Variants in ADRA2C observed in about 807,000 individuals in gnomAD.
ADRA2C encodes alpha-2C adrenergic receptor.
ADRA2C carries 4 observed loss-of-function variants against 7.9 expected under a neutral mutation model. The observed-to-expected ratio is 0.51, with a 90% CI of 0.25 to 1.16. The LOEUF (loss-of-function observed/expected upper bound fraction) is 1.16, where lower values mean the gene tolerates loss of function less well. ADRA2C is among the 50% of genes most tolerant of loss of function. ADRA2C has a pLI of 0.15. For synonymous variants in ADRA2C, 368 were observed against 328.9 expected (o/e 1.12, Z -1.29); for missense variants, 589 against 677.7 (o/e 0.87, Z 1.45).
In ADRA2C at chr4:3,767,480, G is replaced by C; in HGVS notation, c.874G>C (p.Ala292Pro). The C allele has an allele frequency of 8.1e-6, 10 of 1,229,482 alleles. No individual in the cohort carries two copies. Among genetic ancestry groups the C allele is most frequent in the Non-Finnish European group, 9.1e-6 (9 of 987,056 alleles). 76.2% of individuals were successfully genotyped at this position (1,229,482 alleles called of 1,614,324 possible). A position where few individuals can be genotyped will look rare whatever the true frequency, so the allele number is the denominator to read the frequency against. The change falls in exon 1 of 1, where the codon GCC becomes CCC. Residue 292 changes from alanine to proline, a missense_variant. Physicochemically the swap from Ala to Pro is conservative, Grantham distance 27 (BLOSUM62 -1). Coordinates refer to ENST00000330055, the MANE Select transcript of ADRA2C (RefSeq NM_000683.4). ...GGAGCCGGACGAGAGCAGCGCAGCG[G>C]CCGAGAGGCGGCGGCGCCGGGGCGC... ...DVEPDESSAA[A>P]ERRRRRGALR...
Position 3,767,837 on chromosome 4 carries a change from G to A in ADRA2C, c.1231G>A (p.Ala411Thr), listed in dbSNP as rs1735491209. 6.2e-7 allele frequency: 1 copy of A among 1,613,064 alleles called. No homozygotes were observed. Among genetic ancestry groups the A allele is most frequent in the Admixed American group, 1.7e-5 (1 of 59,996 alleles). Residue 411 changes from alanine (A) to threonine (T), a missense_variant, in exon 1 of 1, where the codon GCC (alanine) becomes ACC (threonine). Transcript: ENST00000330055. Reference protein sequence around the residue: ...SYSLYGICREACQVPGPLFKF... With the variant: ...SYSLYGICRETCQVPGPLFKF... ...CAGCCTGTACGGCATCTGCCGCGAG[G>A]CCTGCCAGGTGCCCGGCCCGCTCTT...
Position 3,766,493 on chromosome 4 carries a change from G to C in ADRA2C, c.-114G>C. On this transcript the variant is annotated 5_prime_UTR_variant, in exon 1 of 1. Coordinates refer to ENST00000330055, the MANE Select transcript of ADRA2C (RefSeq NM_000683.4). This position sits in a 1 kb window ranked among gnomAD's most constrained non-coding sequence, Gnocchi z 4.5. Reference sequence around the variant, plus strand: ...GCTGCTGGGCGCCGCGGTCCCCGGCGGGCGCGCCCGAGCAGCAGGCGGCGA... The same window carrying C: ...GCTGCTGGGCGCCGCGGTCCCCGGCCGGCGCGCCCGAGCAGCAGGCGGCGA... 1.3e-6 allele frequency: 1 copy of C among 780,098 alleles called. No individual in the cohort carries two copies. Among genetic ancestry groups the C allele is most frequent in the Non-Finnish European group, 1.6e-6 (1 of 644,458 alleles). 48.3% of individuals were successfully genotyped at this position (780,098 alleles called of 1,614,324 possible). A position where few individuals can be genotyped will look rare whatever the true frequency, so the allele number is the denominator to read the frequency against.
rs1357660082 is a variant in ADRA2C, at chr4:3,768,165, T to G, written c.*170T>G. 2.7e-6 allele frequency: 2 copies of G among 747,730 alleles called. No individual in the cohort carries two copies. Among genetic ancestry groups the G allele is most frequent in the Non-Finnish European group, 4.7e-6 (2 of 422,692 alleles). 46.3% of individuals were successfully genotyped at this position (747,730 alleles called of 1,614,324 possible). A position where few individuals can be genotyped will look rare whatever the true frequency, so the allele number is the denominator to read the frequency against. ...AGAGAGATAGCCGGGCTCCAGGGAGTGGGGAGGAGAGAGGGGGAGACCCCT... is the reference window on the plus strand; with the variant it reads ...AGAGAGATAGCCGGGCTCCAGGGAGGGGGGAGGAGAGAGGGGGAGACCCCT... On this transcript the variant is annotated 3_prime_UTR_variant, in exon 1 of 1. Transcript: ENST00000330055.
At position 3,767,748 on chromosome 4, in the gene ADRA2C, C is replaced by G; in HGVS notation, c.1142C>G (p.Thr381Ser). 1 of 1,613,044 alleles carries G rather than the reference C, an allele frequency of 6.2e-7. No individual in the cohort carries two copies. The highest frequency in any genetic ancestry group is 8.5e-7 in the Non-Finnish European group (1 of 1,179,748). Residue 381 changes from threonine (T) to serine (S), a missense_variant, in exon 1 of 1, where the codon ACC becomes AGC. Coordinates refer to ENST00000330055, the MANE Select transcript of ADRA2C (RefSeq NM_000683.4). ...GCCCAGGCGCGCGAGAAGCGCTTCA[C>G]CTTTGTGCTGGCTGTGGTCATGGGC... is the stretch of plus-strand genomic sequence containing the variant. ...KVAQAREKRFTFVLAVVMGVF... is the reference protein window; with the variant it reads ...KVAQAREKRFSFVLAVVMGVF...
chr4:3,767,340 G>A lies in ADRA2C; in HGVS notation c.734G>A (p.Ser245Asn). Residue 245 changes from serine to asparagine, a missense_variant, in exon 1 of 1, where the codon AGC (serine) becomes AAC (asparagine). Ser to Asn is a conservative substitution (Grantham distance 46). Coordinates refer to ENST00000330055, the MANE Select transcript of ADRA2C (RefSeq NM_000683.4). ...RVAKLRTRTL[S>N]EKRAPVGPDG... ...GCCAAGCTGCGCACGCGCACGCTCA[G>A]CGAGAAGCGCGCCCCCGTGGGCCCC... 3.2e-6 allele frequency: 5 copies of A among 1,557,518 alleles called. No individual in the cohort carries two copies. The highest frequency in any genetic ancestry group is 3.5e-6 in the Non-Finnish European group (4 of 1,154,046).
chr4:3,768,118 TGCGGCAGGGCA>T lies in ADRA2C; in HGVS notation c.*125_*135del. 3 of 385,506 alleles carry T rather than the reference TGCGGCAGGGCA, an allele frequency of 7.8e-6. No homozygotes were observed. The highest frequency in any genetic ancestry group is 1.5e-5 in the Non-Finnish European group (3 of 206,470). The allele number at this position is 385,506 out of a possible 1,614,324, so 23.9% of individuals were successfully genotyped here. A position where few individuals can be genotyped will look rare whatever the true frequency, so the allele number is the denominator to read the frequency against. On this transcript the variant is annotated 3_prime_UTR_variant, in exon 1 of 1. Coordinates refer to ENST00000330055, the MANE Select transcript of ADRA2C (RefSeq NM_000683.4). Reference sequence around the variant, plus strand: ...TTGGCCTCCAGGGCGCAGGGGAGGGTGCGGCAGGGCAGGAGCTTGGCAGAGAGATAGCCGGG... The same window carrying T: ...TTGGCCTCCAGGGCGCAGGGGAGGGTGGAGCTTGGCAGAGAGATAGCCGGG...
Position 3,767,794 on chromosome 4 carries a change from C to A in ADRA2C, c.1188C>A (p.Phe396Leu). ...TGGGCGTGTTCGTGCTCTGCTGGTT[C>A]CCCTTCTTCTTCAGCTACAGCCTGT... ...VVMGVFVLCWFPFFFSYSLYG... is the reference protein window; with the variant it reads ...VVMGVFVLCWLPFFFSYSLYG... The change falls in exon 1 of 1, where the codon TTC becomes TTA. Residue 396 changes from phenylalanine to leucine, a missense_variant. Phe to Leu is a conservative substitution (Grantham distance 22). Coordinates refer to ENST00000330055, the MANE Select transcript of ADRA2C (RefSeq NM_000683.4). The A allele has an allele frequency of 6.2e-7, 1 of 1,613,294 alleles. No individual in the cohort carries two copies. Among genetic ancestry groups the A allele is most frequent in the South Asian group, 1.1e-5 (1 of 91,082 alleles).
In ADRA2C at chr4:3,767,203, C is replaced by A. The variant is rs1036635279; in HGVS notation, c.597C>A (p.Tyr199Ter). The A allele has an allele frequency of 8.1e-6, 13 of 1,610,640 alleles. No homozygotes were observed. Among genetic ancestry groups the A allele is most frequent in the Non-Finnish European group, 1.0e-5 (12 of 1,179,470 alleles). Reference protein sequence around the residue: ...SLYRQPDGAAYPQCGLNDETW... With the variant: ...SLYRQPDGAA ...ACCGCCAGCCCGACGGCGCCGCCTACCCGCAGTGCGGCCTCAACGACGAGA... is the reference window on the plus strand; with the variant it reads ...ACCGCCAGCCCGACGGCGCCGCCTAACCGCAGTGCGGCCTCAACGACGAGA... The change falls in exon 1 of 1, where the codon TAC becomes TAA. Residue 199 changes from tyrosine to a stop codon, truncating the protein, a stop_gained. Transcript: ENST00000330055. LOFTEE classifies it low-confidence loss of function (END_TRUNC).
At position 3,767,440 on chromosome 4, in the gene ADRA2C, C is replaced by T. The variant is rs1022329503; in HGVS notation, c.834C>T (p.Pro278=). The T allele has an allele frequency of 2.0e-6, 3 of 1,501,102 alleles. No individual in the cohort carries two copies. The African/African-American group carries it at 4.3e-5, about 22-fold the overall frequency. 93.0% of individuals were successfully genotyped at this position (1,501,102 alleles called of 1,614,324 possible). Residue 278 remains proline (P), a synonymous_variant, in exon 1 of 1, where the codon CCC becomes CCT. Transcript: ENST00000330055. ...CAGGCGAGAACGGGCACTGCGCGCC[C>T]CCGCCCGCCGACGTGGAGCCGGACG... ...AGAGENGHCA[P]PPADVEPDES...
At position 3,767,337 on chromosome 4, in the gene ADRA2C, T is replaced by C; in HGVS notation, c.731T>C (p.Leu244Pro). The change falls in exon 1 of 1, where the codon CTC becomes CCC. Residue 244 changes from leucine (L) to proline (P), a missense_variant. By Grantham distance (98) the Leu-to-Pro change is moderately conservative. Coordinates refer to ENST00000330055, the MANE Select transcript of ADRA2C (RefSeq NM_000683.4). The part of the protein sequence containing the change: ...YRVAKLRTRT[L>P]SEKRAPVGPD... ...GTGGCCAAGCTGCGCACGCGCACGC[T>C]CAGCGAGAAGCGCGCCCCCGTGGGC... 1 of 1,564,334 alleles carries C rather than the reference T, an allele frequency of 6.4e-7. No homozygotes were observed. The highest frequency in any genetic ancestry group is 8.6e-7 in the Non-Finnish European group (1 of 1,157,466).
At position 3,767,473 on chromosome 4, in the gene ADRA2C, C is replaced by G. The variant is rs1376285256; in HGVS notation, c.867C>G (p.Ser289Arg). The change falls in exon 1 of 1, where the codon AGC becomes AGG. Residue 289 changes from serine (S) to arginine (R), a missense_variant. Ser to Arg is a moderately radical substitution (Grantham distance 110, BLOSUM62 -1). Coordinates refer to ENST00000330055, the MANE Select transcript of ADRA2C (RefSeq NM_000683.4). ...PPADVEPDES[S>R]AAAERRRRRG... Reference sequence around the variant, plus strand: ...CCGACGTGGAGCCGGACGAGAGCAGCGCAGCGGCCGAGAGGCGGCGGCGCC... The same window carrying G: ...CCGACGTGGAGCCGGACGAGAGCAGGGCAGCGGCCGAGAGGCGGCGGCGCC... 2 of 1,312,398 alleles carry G rather than the reference C, an allele frequency of 1.5e-6. No individual in the cohort carries two copies. Among genetic ancestry groups the G allele is most frequent in the African/African-American group, 3.1e-5 (2 of 64,278 alleles). 81.3% of individuals were successfully genotyped at this position (1,312,398 alleles called of 1,614,324 possible).
In ADRA2C at chr4:3,766,733, C is replaced by G. The variant is rs989993917; in HGVS notation, c.127C>G (p.Arg43Gly). ...CTCGGGGGCTTCCTGGGGGCCGCCG[C>G]GCGGCCAGTACTCGGCGGGCGCGGT... ...NASGASWGPP[R>G]GQYSAGAVAG... Residue 43 changes from arginine (R) to glycine (G), a missense_variant, in exon 1 of 1, where the codon CGC (arginine) becomes GGC (glycine). By Grantham distance (125) the Arg-to-Gly change is moderately radical (BLOSUM62 -2). Coordinates refer to ENST00000330055, the MANE Select transcript of ADRA2C (RefSeq NM_000683.4). The surrounding 1 kb of genome is among the most constrained non-coding windows in gnomAD (Gnocchi z 4.5). The G allele has an allele frequency of 4.7e-6, 7 of 1,477,412 alleles. No individual in the cohort carries two copies. The highest frequency in any genetic ancestry group is 4.3e-5 in the African/African-American group (3 of 70,522). The allele number at this position is 1,477,412 out of a possible 1,614,324, so 91.5% of individuals were successfully genotyped here. A position where few individuals can be genotyped will look rare whatever the true frequency, so the allele number is the denominator to read the frequency against.
Position 3,768,474 on chromosome 4 carries a change from AAAC to A in ADRA2C, c.*484_*486del, listed in dbSNP as rs766717807. ...CTGAAAGTATTTAAATGTTTGCCAA[AAAC>A]AACAGCCAAAACAACCAAACTATTT... On this transcript the variant is annotated 3_prime_UTR_variant, in exon 1 of 1. Transcript: ENST00000330055. The A allele has an allele frequency of 1.1e-4, 67 of 592,902 alleles. No homozygotes were observed. Among genetic ancestry groups the A allele is most frequent in the Non-Finnish European group, 1.9e-4 (62 of 325,756 alleles). The allele number at this position is 592,902 out of a possible 1,614,324, so 36.7% of individuals were successfully genotyped here.
At position 3,767,459 on chromosome 4, in the gene ADRA2C, C is replaced by A. The variant is rs1159011130; in HGVS notation, c.853C>A (p.Pro285Thr). ...HCAPPPADVE[P>T]DESSAAAERR... ...CGCGCCCCCGCCCGCCGACGTGGAG[C>A]CGGACGAGAGCAGCGCAGCGGCCGA... Residue 285 changes from proline (P) to threonine (T), a missense_variant, in exon 1 of 1, where the codon CCG becomes ACG. Transcript: ENST00000330055. 12 of 1,483,986 alleles carry A rather than the reference C, an allele frequency of 8.1e-6. No individual in the cohort carries two copies. Among genetic ancestry groups the A allele is most frequent in the Non-Finnish European group, 1.1e-5 (12 of 1,128,400 alleles). 91.9% of individuals were successfully genotyped at this position (1,483,986 alleles called of 1,614,324 possible).
chr4:3,767,617 G>C lies in ADRA2C; in HGVS notation c.1011G>C (p.Arg337Ser), dbSNP rs1172284509. 8.9e-6 allele frequency: 12 copies of C among 1,345,112 alleles called. No individual in the cohort carries two copies. Among genetic ancestry groups the C allele is most frequent in the Non-Finnish European group, 1.0e-5 (11 of 1,057,132 alleles). The allele number at this position is 1,345,112 out of a possible 1,614,324, so 83.3% of individuals were successfully genotyped here. A position where few individuals can be genotyped will look rare whatever the true frequency, so the allele number is the denominator to read the frequency against. ...AGTCGGGGGCGCTGACCGCCTCCAG[G>C]TCCCCGGGGCCCGGTGGCCGCCTGT... Reference protein sequence around the residue: ...AAESGALTASRSPGPGGRLSR... With the variant: ...AAESGALTASSSPGPGGRLSR... Residue 337 changes from arginine (R) to serine (S), a missense_variant, in exon 1 of 1, where the codon AGG becomes AGC. Arg to Ser is a moderately radical substitution (Grantham distance 110, BLOSUM62 -1). Coordinates refer to ENST00000330055, the MANE Select transcript of ADRA2C (RefSeq NM_000683.4).
Position 3,768,110 on chromosome 4 carries a change from G to C in ADRA2C, c.*115G>C, listed in dbSNP as rs1233396911. ...GGGATGGATTGGCCTCCAGGGCGCA[G>C]GGGAGGGTGCGGCAGGGCAGGAGCT... On this transcript the variant is annotated 3_prime_UTR_variant, in exon 1 of 1. Transcript: ENST00000330055. 4.3e-6 allele frequency: 1 copy of C among 231,376 alleles called. No homozygotes were observed. The highest frequency in any genetic ancestry group is 6.4e-5 in the African/African-American group (1 of 15,526). The allele number at this position is 231,376 out of a possible 1,614,324, so 14.3% of individuals were successfully genotyped here.
Position 3,768,283 on chromosome 4 carries a change from G to T in ADRA2C, c.*288G>T. On this transcript the variant is annotated 3_prime_UTR_variant, in exon 1 of 1. Coordinates refer to ENST00000330055, the MANE Select transcript of ADRA2C (RefSeq NM_000683.4). Reference sequence around the variant, plus strand: ...GCCGAGGTGTGGCTGTGAGGTCAGGGTTTTAGAGAGCAGTGGCAGAGGTAG... The same window carrying T: ...GCCGAGGTGTGGCTGTGAGGTCAGGTTTTTAGAGAGCAGTGGCAGAGGTAG... The T allele has an allele frequency of 2.8e-6, 2 of 717,278 alleles. No homozygotes were observed. The highest frequency in any genetic ancestry group is 3.0e-5 in the South Asian group (2 of 67,616). The allele number at this position is 717,278 out of a possible 1,614,324, so 44.4% of individuals were successfully genotyped here.
Position 3,766,838 on chromosome 4 carries a change from A to C in ADRA2C, c.232A>C (p.Thr78Pro). 6.3e-7 allele frequency: 1 copy of C among 1,587,198 alleles called. No homozygotes were observed. Among genetic ancestry groups the C allele is most frequent in the Non-Finnish European group, 8.6e-7 (1 of 1,167,808 alleles). ...CGTGCTGGTGGTGATCGCCGTGCTG[A>C]CCAGCCGGGCGCTGCGCGCGCCACA... ...GNVLVVIAVLTSRALRAPQNL... is the reference protein window; with the variant it reads ...GNVLVVIAVLPSRALRAPQNL... Residue 78 changes from threonine (T) to proline (P), a missense_variant, in exon 1 of 1, where the codon ACC becomes CCC. Transcript: ENST00000330055. The surrounding 1 kb of genome is among the most constrained non-coding windows in gnomAD (Gnocchi z 4.5).
At position 3,767,032 on chromosome 4, in the gene ADRA2C, G is replaced by C. The variant is rs746955332; in HGVS notation, c.426G>C (p.Leu142=). ...VLFCTSSIVH[L]CAISLDRYWS... The stretch of plus-strand genomic sequence containing the variant: ...TTTGCACCTCGTCGATCGTGCATCT[G>C]TGTGCCATCAGCCTGGACCGCTACT... The change falls in exon 1 of 1, where the codon CTG becomes CTC. Residue 142 remains leucine (L), a synonymous_variant. Coordinates refer to ENST00000330055, the MANE Select transcript of ADRA2C (RefSeq NM_000683.4). The C allele has an allele frequency of 1.2e-6, 2 of 1,611,392 alleles. No individual in the cohort carries two copies.
Sources: allele counts gnomAD v4.1 joint callset, GRCh38; gene constraint gnomAD v4.1.1; non-coding constraint Gnocchi (gnomAD v3.1); transcripts MANE v1.5; gene names NCBI Gene and HGNC (gene_info 2026-07-23, HGNC 2026-07-21).